GALNS: variants seen among roughly 807,000 people sequenced by gnomAD.
The protein encoded by GALNS is galactosamine (N-acetyl)-6-sulfatase, also known as N-acetylgalactosamine-6-sulfatase.
A neutral mutation model predicts 65.9 loss-of-function variants in GALNS; 65 were observed. The observed-to-expected ratio is 0.99, with a 90% CI of 0.81 to 1.21. GALNS has a LOEUF of 1.21. GALNS is among the 50% of genes most tolerant of loss of function. The probability of loss-of-function intolerance (pLI) is 0.00; values close to 1 mark genes in which losing one functional copy is unlikely to be tolerated. For missense variants in GALNS, 776 were observed against 700.7 expected (o/e 1.11, Z -1.21); for synonymous variants, 346 against 288.9 (o/e 1.20, Z -2.00).
intron 6 of GALNS, 82 bp from the exon 7 acceptor site, chr16:88,835,931 C>T: frequency 6.2e-7 from 1 of 1,602,362 alleles, no homozygotes; most frequent in Non-Finnish European, 8.5e-7. Context: ...CCACACGTCC[C>T]ACGGGGCGAG....
intron 9 of GALNS, 43 bp from the exon 10 acceptor site, chr16:88,826,881 A>C: frequency 6.4e-7 from 1 of 1,552,032 alleles, no homozygotes; most frequent in Non-Finnish European, 8.7e-7. Context: ...CTCTGCACCG[A>C]CCCGATGGGG....
At chr16:88,856,612 C>T (rs1967912563) in intron 1 of GALNS, 146 bp downstream of exon 1, 1 of 568,112 alleles carries the variant, frequency 1.8e-6, no homozygotes, top group African/African-American at 2.0e-5. Flanking sequence ...CTCCTCCCCG[C>T]GCGGGGCCTC....
At chr16:88,852,856 G>A (rs1967571752) in intron 1 of GALNS, among the ~76,000 whole-genome samples, 1 of 152,234 alleles carries the variant, frequency 6.6e-6, no homozygotes, top group East Asian at 1.9e-4. Flanking sequence ...TCAGGAGGCT[G>A]AGGCAGGAAA....
intron 9 of GALNS, among the ~76,000 whole-genome samples, chr16:88,830,230 CAAAAAAAAAAAA>C (rs758855583): frequency 7.1e-5 from 1 of 13,990 alleles, no homozygotes; most frequent in Non-Finnish European, 1.9e-4. Context: ...GACTTCATCT[CAAAAAAAAAAAA>C]AAAAAAAAAA....
At chr16:88,837,591 C>A in intron 5 of GALNS, 31 bp downstream of exon 5, 1 of 1,609,736 alleles carries the variant, frequency 6.2e-7, no homozygotes, top group Non-Finnish European at 8.5e-7. Flanking sequence ...CAGTTCAGGA[C>A]GTGGGAGGGG....
chr16:88,850,946 C>T (rs1399630854), intron 1 of GALNS, among the ~76,000 whole-genome samples: 1 of 152,214 alleles, frequency 6.6e-6, no homozygotes, highest in East Asian at 1.9e-4. Context: ...ACCTCCTGTT[C>T]CCAGACGCCA....
intron 11 of GALNS, 103 bp downstream of exon 11, chr16:88,824,664 G>T: frequency 1.1e-6 from 1 of 936,602 alleles, no homozygotes; most frequent in Admixed American, 1.9e-5. Context: ...TGGAGTTCCT[G>T]CCTGTCTCAC....
intron 9 of GALNS, 162 bp from the exon 10 acceptor site, chr16:88,827,000 T>A: frequency 1.2e-6 from 1 of 854,528 alleles, no homozygotes; most frequent in Non-Finnish European, 1.9e-6. Flanking sequence ...TCACAAGGCC[T>A]GTGAGAGACA....
At chr16:88,846,004 A>C (rs529830970) in intron 1 of GALNS, among the ~76,000 whole-genome samples, 7 of 152,158 alleles carry the variant, frequency 4.6e-5, no homozygotes, top group African/African-American at 1.7e-4. Flanking sequence ...AACAAACAAA[A>C]AAAGATCATG....
chr16:88,852,769 T>C (rs113711424), intron 1 of GALNS, among the ~76,000 whole-genome samples: 4,468 of 152,270 alleles, frequency 0.029, 67 homozygotes, highest in Middle Eastern at 0.054. Flanking sequence ...TTCGATCTAG[T>C]GGAAGAAAGG....
intron 9 of GALNS, among the ~76,000 whole-genome samples, chr16:88,830,199 C>G (rs955785748): frequency 6.8e-6 from 1 of 146,572 alleles, no homozygotes; most frequent in Non-Finnish European, 1.5e-5. Flanking sequence ...CTACTGCACT[C>G]CAGCCTGGGC....
chr16:88,843,449 CAA>C (rs1967084657), intron 1 of GALNS: 1 of 349,576 alleles, frequency 2.9e-6, no homozygotes, highest in Middle Eastern at 1.0e-3. Context: ...CGGCAGACGA[CAA>C]AGTGCGGCCG....
At chr16:88,827,087 T>G (rs1284836196) in intron 9 of GALNS, 1 of 586,180 alleles carries the variant, frequency 1.7e-6, no homozygotes, top group Non-Finnish European at 3.1e-6. Flanking sequence ...TCTGCCTCTG[T>G]GGATCAGATG....
intron 1 of GALNS, chr16:88,844,485 A>C (rs1450104706): frequency 6.6e-6 from 1 of 152,260 alleles, no homozygotes; most frequent in Non-Finnish European, 1.5e-5. Context: ...GCCTGGTAGA[A>C]GCCAACACTC....
Position 88,842,751 on chromosome 16 carries a change from G to T in GALNS, c.199C>A (p.Leu67Met), listed in dbSNP as rs11862754. The change falls in exon 2 of 14, where the codon CTG becomes ATG. Residue 67 changes from leucine to methionine, a missense_variant. Physicochemically the swap from Leu to Met is conservative, Grantham distance 15 (BLOSUM62 2). Transcript: ENST00000268695. ...PNLDRMAAEG[L>M]LFPNFYSANP... ...GCAGAATAGAAGTTTGGGAAAAGCA[G>T]CCCTTCTGCAGCCATCCGGTCCAAA... is the stretch of plus-strand genomic sequence containing the variant. The T allele has an allele frequency of 0.018, 28,806 of 1,612,930 alleles. 4,252 individuals carry two copies. In the African/African-American group the frequency reaches 0.33, roughly 19 times the overall value.
At chr16:88,841,249 G>A (rs1366252075) in intron 3 of GALNS, among the ~76,000 whole-genome samples, 155 bp from the exon 4 acceptor site, 3 of 152,168 alleles carry the variant, frequency 2.0e-5, no homozygotes, top group African/African-American at 7.2e-5. Context: ...CGTCCACAGG[G>A]CATGGCACTT....
At chr16:88,841,600 G>A (rs1380760138) in intron 3 of GALNS, among the ~76,000 whole-genome samples, 2 of 152,210 alleles carry the variant, frequency 1.3e-5, no homozygotes, top group East Asian at 1.9e-4. Flanking sequence ...CCACAGCCCC[G>A]GCCTCCCTGT....
intron 8 of GALNS, among the ~76,000 whole-genome samples, chr16:88,833,686 G>C (rs956679798): frequency 6.6e-6 from 1 of 152,048 alleles, no homozygotes; most frequent in Middle Eastern, 3.2e-3. Context: ...TCCTGACCTC[G>C]TGATCCACCC....
intron 9 of GALNS, among the ~76,000 whole-genome samples, chr16:88,830,496 C>T (rs1911389987): frequency 6.6e-6 from 1 of 152,214 alleles, no homozygotes; most frequent in Non-Finnish European, 1.5e-5. Context: ...CCCCCCCCAT[C>T]CTCGTGGGGC....
Sources: allele counts gnomAD v4.1 joint callset (sites outside exome capture counted in the v4.1 genomes callset), GRCh38; gene constraint gnomAD v4.1.1; transcripts MANE v1.5; gene names NCBI Gene and HGNC (gene_info 2026-07-23, HGNC 2026-07-21).